The following DNMBP variants were observed in gnomAD, a reference collection of about 807,000 sequenced individuals.
DNMBP encodes the protein dynamin-binding protein.
Under a neutral mutation model 150.0 loss-of-function variants are expected in DNMBP, and 87 were observed. The ratio of observed to expected loss-of-function variants is 0.58; its 90% CI spans 0.49 to 0.69. DNMBP has a LOEUF of 0.69. DNMBP is among the 30% of genes least tolerant of loss of function. The probability of loss-of-function intolerance (pLI) is 0.00; values close to 1 mark genes in which losing one functional copy is unlikely to be tolerated. For missense variants in DNMBP, 1,774 were observed against 1,949.0 expected, an observed-to-expected ratio of 0.91 and a Z score of 1.69; for synonymous variants, 711 against 750.4, an observed-to-expected ratio of 0.95 and a Z score of 0.86.
intron 9 of DNMBP, among the ~76,000 whole-genome samples, chr10:99,897,070 G>T (rs1443634878): frequency 2.0e-5 from 3 of 152,196 alleles, no homozygotes; most frequent in Admixed American, 1.3e-4. Flanking sequence ...TGAAGTAGAA[G>T]GCAGAGAAAT....
intron 6 of DNMBP, among the ~76,000 whole-genome samples, chr10:99,907,097 G>A (rs1442326368): frequency 6.6e-6 from 1 of 151,972 alleles, no homozygotes; most frequent in Non-Finnish European, 1.5e-5. Flanking sequence ...GATCGCTTAA[G>A]CCCAGGAGTT....
At chr10:99,974,482 G>T (rs1472174686) in intron 1 of DNMBP, among the ~76,000 whole-genome samples, 1 of 152,180 alleles carries the variant, frequency 6.6e-6, no homozygotes, top group East Asian at 1.9e-4. Context: ...GATCACCAGA[G>T]TATCCAGGCC....
intron 4 of DNMBP, among the ~76,000 whole-genome samples, chr10:99,920,684 G>A (rs1564732361): frequency 6.6e-6 from 1 of 152,034 alleles, no homozygotes; most frequent in African/African-American, 2.4e-5. Context: ...ACTCTGACGC[G>A]ACTTCTCAGT....
chr10:99,891,919 G>C (rs1440401599), intron 11 of DNMBP, among the ~76,000 whole-genome samples: 1 of 147,886 alleles, frequency 6.8e-6, no homozygotes, highest in African/African-American at 2.5e-5. Flanking sequence ...AGGGAGGTGG[G>C]GGGGTCAGCC....
Position 99,877,167 on chromosome 10 carries a change from T to C in DNMBP, c.4718A>G (p.Lys1573Arg). 1 of 1,610,736 alleles carries C rather than the reference T, an allele frequency of 6.2e-7. No homozygotes were observed. The highest frequency in any genetic ancestry group is 8.5e-7 in the Non-Finnish European group (1 of 1,178,668). ...AACGTGGGCTCAGGTGTACTCGGTT[T>C]TGCGGATATAATTGGAGGGAACGTA... ...KGYVPSNYIRKTEYT is the reference protein window; with the variant it reads ...KGYVPSNYIRRTEYT Residue 1573 changes from lysine (K) to arginine (R), a missense_variant, in exon 17 of 17, where the codon AAA becomes AGA. Physicochemically the swap from Lys to Arg is conservative, Grantham distance 26. Coordinates refer to ENST00000324109, the MANE Select transcript of DNMBP (RefSeq NM_015221.4).
At chr10:99,989,333 G>A (rs1451899024) in intron 1 of DNMBP, among the ~76,000 whole-genome samples, 1 of 152,184 alleles carries the variant, frequency 6.6e-6, no homozygotes, top group East Asian at 1.9e-4. Flanking sequence ...CCTGTCCTCT[G>A]GTGCTCCTGT....
At chr10:100,001,233 TAAAAAAAAAAAAA>T (rs71009800) in intron 1 of DNMBP, among the ~76,000 whole-genome samples, 218 of 21,692 alleles carry the variant, frequency 0.01, no homozygotes, top group African/African-American at 0.031. Flanking sequence ...TCCGTCTCAT[TAAAAAAAAAAAAA>T]AAAAAAAAAA....
Position 99,969,172 on chromosome 10 carries a change from A to C in DNMBP, c.211T>G (p.Phe71Val), listed in dbSNP as rs78882305. The change falls in exon 3 of 17, where the codon TTT becomes GTT. Residue 71 changes from phenylalanine (F) to valine (V), a missense_variant. Coordinates refer to ENST00000324109, the MANE Select transcript of DNMBP (RefSeq NM_015221.4). Reference protein sequence around the residue: ...IPSLKEGERLFVCICEFTSQE... With the variant: ...IPSLKEGERLVVCICEFTSQE... Reference sequence around the variant, plus strand: ...GATGTGAATTCACAAATGCACACAAACAGCCTCTCTCCCTCTTTTAGACTG... The same window carrying C: ...GATGTGAATTCACAAATGCACACAACCAGCCTCTCTCCCTCTTTTAGACTG... The C allele has an allele frequency of 2.5e-6, 4 of 1,614,092 alleles. No individual in the cohort carries two copies. Among genetic ancestry groups the C allele is most frequent in the Non-Finnish European group, 3.4e-6 (4 of 1,179,950 alleles).
intron 1 of DNMBP, among the ~76,000 whole-genome samples, chr10:99,989,190 T>C (rs2040860181): frequency 1.3e-5 from 2 of 152,262 alleles, no homozygotes; most frequent in Admixed American, 6.5e-5. Flanking sequence ...TGCATATCCA[T>C]ACCCTTTACT....
chr10:99,879,743 C>A (rs917548759), intron 16 of DNMBP, 68 bp downstream of exon 16: 4 of 1,582,664 alleles, frequency 2.5e-6, no homozygotes, highest in Non-Finnish European at 3.4e-6. Context: ...TTCTGCCTCA[C>A]CCCCGCTGGT....
intron 4 of DNMBP, among the ~76,000 whole-genome samples, chr10:99,914,758 A>C (rs548430085): frequency 2.6e-5 from 4 of 152,262 alleles, no homozygotes; most frequent in Non-Finnish European, 4.4e-5. Flanking sequence ...GAGACGAAAG[A>C]AAGGAAAATC....
chr10:99,911,681 AT>A (rs1437839258), intron 4 of DNMBP, among the ~76,000 whole-genome samples: 1 of 152,186 alleles, frequency 6.6e-6, no homozygotes, highest in African/African-American at 2.4e-5. Context: ...TCATTGTACT[AT>A]TGCAATTTTC....
At chr10:99,893,256 G>T (rs550129145) in intron 11 of DNMBP, among the ~76,000 whole-genome samples, 2 of 152,218 alleles carry the variant, frequency 1.3e-5, no homozygotes, top group African/African-American at 4.8e-5. Context: ...CACAAGATTT[G>T]GCTCAGAAGT....
chr10:99,982,253 T>C (rs983145973), intron 1 of DNMBP, among the ~76,000 whole-genome samples: 3 of 152,038 alleles, frequency 2.0e-5, no homozygotes, highest in African/African-American at 7.2e-5. Context: ...GAGACCAGCC[T>C]GGGCAACATG....
At chr10:99,962,154 T>G (rs2804945) in intron 3 of DNMBP, among the ~76,000 whole-genome samples, 47,815 of 151,774 alleles carry the variant, frequency 0.32, 7,598 homozygotes, top group Non-Finnish European at 0.33. Flanking sequence ...TTCTGACACT[T>G]GTATTTTTAT....
intron 1 of DNMBP, among the ~76,000 whole-genome samples, chr10:99,991,181 C>T (rs1195770182): frequency 6.6e-6 from 1 of 151,502 alleles, no homozygotes; most frequent in Non-Finnish European, 1.5e-5. Context: ...CGGGTTCAAT[C>T]GATTCTCCTG....
chr10:99,908,874 C>T (rs1353637312), intron 5 of DNMBP, 79 bp downstream of exon 5: 46 of 1,320,394 alleles, frequency 3.5e-5, no homozygotes, highest in Non-Finnish European at 4.5e-5. Flanking sequence ...AAATCTGTGG[C>T]GAAAGCTCCT....
intron 4 of DNMBP, among the ~76,000 whole-genome samples, chr10:99,944,178 A>G (rs1426295295): frequency 6.6e-6 from 1 of 152,242 alleles, no homozygotes; most frequent in Non-Finnish European, 1.5e-5. Flanking sequence ...AAAGAGCATA[A>G]TTAGCTGTAG....
intron 11 of DNMBP, among the ~76,000 whole-genome samples, chr10:99,891,086 T>TTAATCTTAAAACTTAAAAAAAGA (rs2039548884): frequency 2.0e-5 from 3 of 152,178 alleles, no homozygotes; most frequent in African/African-American, 7.2e-5. Flanking sequence ...GAGCAATGAT[T>TTAATCTTAAAACTTAAAAAAAGA]TAATCTTAAA....
Sources: allele counts gnomAD v4.1 joint callset (sites outside exome capture counted in the v4.1 genomes callset), GRCh38; gene constraint gnomAD v4.1.1; transcripts MANE v1.5; gene names NCBI Gene and HGNC (gene_info 2026-07-23, HGNC 2026-07-21).